VWA8: variants seen among roughly 807,000 people sequenced by gnomAD.
The protein encoded by VWA8 is von Willebrand factor A domain-containing protein 8.
VWA8 carries 221 observed loss-of-function variants against 241.5 expected under a neutral mutation model. The ratio of observed to expected loss-of-function variants is 0.91; its 90% CI spans 0.82 to 1.02. The LOEUF (loss-of-function observed/expected upper bound fraction) is 1.02. Among genes scored for constraint, VWA8 ranks in the 50% least tolerant of loss-of-function variants. The probability of loss-of-function intolerance (pLI) is 0.00; values close to 1 mark genes in which losing one functional copy is unlikely to be tolerated. For missense variants in VWA8, 2,322 were observed against 2,328.7 expected (o/e 1.00, Z 0.06); for synonymous variants, 852 against 827.1 (o/e 1.03, Z -0.52).
At chr13:41,673,790 T>C (rs1878734484) in intron 36 of VWA8, among the ~76,000 whole-genome samples, 1 of 152,176 alleles carries the variant, frequency 6.6e-6, no homozygotes, top group Non-Finnish European at 1.5e-5. Context: ...CCTAACTGAA[T>C]GAATTATGGT....
At chr13:41,607,008 A>G (rs2044557775) in intron 39 of VWA8, among the ~76,000 whole-genome samples, 1 of 152,122 alleles carries the variant, frequency 6.6e-6, no homozygotes, top group Non-Finnish European at 1.5e-5. Context: ...TTTTCTTTCC[A>G]TAGTAGGAAA....
At position 41,909,531 on chromosome 13, in the gene VWA8, C is replaced by G. The variant is rs76834417; in HGVS notation, c.373-1835G>C. ...ATTACTTCTTGCTTCTGGAACACATCACTAGTATCTTCATGTCTGCTTCAT... is the reference window on the plus strand; with the variant it reads ...ATTACTTCTTGCTTCTGGAACACATGACTAGTATCTTCATGTCTGCTTCAT... On this transcript the variant is annotated intron_variant, in intron 3 of 44. Transcript: ENST00000379310. Among the ~76,000 whole-genome samples, 398 of 152,290 alleles carry G rather than the reference C, an allele frequency of 2.6e-3. 2 individuals carry two copies. Among genetic ancestry groups the G allele is most frequent in the African/African-American group, 9.2e-3 (382 of 41,546 alleles).
chr13:41,681,474 T>A (rs2045098311), intron 35 of VWA8, among the ~76,000 whole-genome samples: 1 of 152,166 alleles, frequency 6.6e-6, no homozygotes, highest in African/African-American at 2.4e-5. Context: ...AATATGATAC[T>A]ATTTACACAA....
intron 37 of VWA8, among the ~76,000 whole-genome samples, chr13:41,657,941 G>A (rs137864076): frequency 1.3e-4 from 20 of 152,320 alleles, no homozygotes; most frequent in South Asian, 6.2e-4. Flanking sequence ...AGAAAACCAG[G>A]AACACAGACA....
Position 41,850,584 on chromosome 13 carries a change from T to C in VWA8, c.1425+15152A>G, listed in dbSNP as rs1173127257. Among the ~76,000 whole-genome samples the C allele has an allele frequency of 3.9e-5, 6 of 152,308 alleles. No individual in the cohort carries two copies. In the East Asian group the frequency reaches 7.7e-4, roughly 20 times the overall value. On this transcript the variant is annotated intron_variant, in intron 12 of 44. Transcript: ENST00000379310. ...GAGCCACCCTCAGAGACTTAGTTGA[T>C]AGGCCCACTCACCTGCAGAGTCAGG...
intron 21 of VWA8, among the ~76,000 whole-genome samples, chr13:41,758,398 G>GTATATA (rs1236188354): frequency 0.023 from 573 of 24,928 alleles, 18 homozygotes; most frequent in East Asian, 0.046. Context: ...ATATACGCTA[G>GTATATA]TATATATATA....
intron 40 of VWA8, among the ~76,000 whole-genome samples, chr13:41,593,036 T>TAAGCCACC (rs2044466475): frequency 6.6e-6 from 1 of 152,136 alleles, no homozygotes; most frequent in Non-Finnish European, 1.5e-5. Flanking sequence ...CCATCAGTGT[T>TAAGCCACC]TCATGGGAGG....
At chr13:41,586,521 C>T (rs2044419185) in intron 42 of VWA8, among the ~76,000 whole-genome samples, 1 of 151,972 alleles carries the variant, frequency 6.6e-6, no homozygotes, top group African/African-American at 2.4e-5. Flanking sequence ...AAAAGGAATT[C>T]CTCACGTAGA....
At position 41,783,627 on chromosome 13, in the gene VWA8, G is replaced by A. The variant is rs535290751; in HGVS notation, c.2277+168C>T. On this transcript the variant is annotated intron_variant, in intron 19 of 44. Transcript: ENST00000379310. ...CACTCCAGCCTGAGTGACAAAGTGAGACTGCATCACAGAAAAAAAAAAAAA... is the reference window on the plus strand; with the variant it reads ...CACTCCAGCCTGAGTGACAAAGTGAAACTGCATCACAGAAAAAAAAAAAAA... Among the ~76,000 whole-genome samples the A allele has an allele frequency of 3.6e-5, 5 of 139,974 alleles. No individual in the cohort carries two copies. In the East Asian group the frequency reaches 8.3e-4, roughly 23 times the overall value. The allele number at this position is 139,974 out of a possible 152,430, so 91.8% of individuals were successfully genotyped here. A position where few individuals can be genotyped will look rare whatever the true frequency, so the allele number is the denominator to read the frequency against.
chr13:41,908,426 C>G (rs2138109146), intron 3 of VWA8, among the ~76,000 whole-genome samples: 1 of 151,044 alleles, frequency 6.6e-6, no homozygotes. Context: ...AAGCCGAGAT[C>G]ACACCATTGC....
chr13:41,616,274 T>C (rs2044619537), intron 37 of VWA8, among the ~76,000 whole-genome samples: 1 of 152,196 alleles, frequency 6.6e-6, no homozygotes, highest in South Asian at 2.1e-4. Context: ...TCATTTCAAG[T>C]GTTATGACAT....
chr13:41,806,716 A>C (rs1236228552), intron 17 of VWA8, among the ~76,000 whole-genome samples: 1 of 152,048 alleles, frequency 6.6e-6, no homozygotes, highest in Non-Finnish European at 1.5e-5. Context: ...AAAAAGAAAA[A>C]AAACTACAAA....
chr13:41,764,371 CATCA>C (rs886500415), intron 20 of VWA8, among the ~76,000 whole-genome samples: 1 of 152,078 alleles, frequency 6.6e-6, no homozygotes, highest in Non-Finnish European at 1.5e-5. Context: ...TTGCCTAACT[CATCA>C]ATTATTTGAG....
At chr13:41,610,117 T>C (rs1235551461) in intron 39 of VWA8, among the ~76,000 whole-genome samples, 3 of 152,184 alleles carry the variant, frequency 2.0e-5, no homozygotes, top group Admixed American at 2.0e-4. Context: ...ACTGAACAAT[T>C]ACTTGGCAGG....
intron 30 of VWA8, among the ~76,000 whole-genome samples, chr13:41,692,513 T>G (rs1465829585): frequency 6.6e-6 from 1 of 152,058 alleles, no homozygotes. Flanking sequence ...TTTCATCATA[T>G]AAATCCAAAA....
intron 1 of VWA8, among the ~76,000 whole-genome samples, chr13:41,959,946 G>A (rs1878535555): frequency 6.6e-6 from 1 of 152,050 alleles, no homozygotes; most frequent in Non-Finnish European, 1.5e-5. Context: ...TGGGGGTTGC[G>A]GGGAAAATGC....
At chr13:41,630,313 T>G (rs527866196) in intron 37 of VWA8, among the ~76,000 whole-genome samples, 60 of 152,008 alleles carry the variant, frequency 3.9e-4, no homozygotes, top group African/African-American at 1.4e-3. Context: ...CTGGACCCTT[T>G]TGCCAACCTC....
intron 12 of VWA8, among the ~76,000 whole-genome samples, chr13:41,854,255 G>A (rs1335024133): frequency 2.0e-5 from 3 of 151,884 alleles, no homozygotes; most frequent in South Asian, 2.1e-4. Flanking sequence ...AAAAATATCA[G>A]TATCAAAACC....
At chr13:41,613,125 C>T (rs563811333) in intron 38 of VWA8, among the ~76,000 whole-genome samples, 1 of 152,160 alleles carries the variant, frequency 6.6e-6, no homozygotes. Context: ...TCACCACCCC[C>T]ACCTCCACCT....
Sources: gnomAD v4.1 joint callset for allele counts (sites outside exome capture counted in the v4.1 genomes callset) on GRCh38, gnomAD v4.1.1 for gene constraint, MANE v1.5 for transcripts, NCBI Gene and HGNC (gene_info 2026-07-23, HGNC 2026-07-21) for gene names.